The following VWC2 variants were observed in gnomAD, a reference collection of about 807,000 sequenced individuals.
VWC2 encodes the protein brorin.
In VWC2, 14 loss-of-function variants were observed where a neutral mutation model predicts 29.8. That is an observed-to-expected ratio of 0.47 (90% confidence interval 0.31 to 0.74). The LOEUF (loss-of-function observed/expected upper bound fraction) is 0.74. Among genes scored for constraint, VWC2 ranks in the 30% least tolerant of loss-of-function variants. VWC2 has a pLI of 0.05. For synonymous variants in VWC2, 213 were observed against 199.0 expected, an observed-to-expected ratio of 1.07 and a Z score of -0.59; for missense variants, 457 against 459.8, an observed-to-expected ratio of 0.99 and a Z score of 0.05.
chr7:49,837,536 G>C (rs1020685452), intron 3 of VWC2, among the ~76,000 whole-genome samples: 1 of 152,186 alleles, frequency 6.6e-6, no homozygotes, highest in Non-Finnish European at 1.5e-5. Context: ...GGAGGTCATG[G>C]GGAGAGTTCT....
At chr7:49,865,063 A>G (rs1196231917) in intron 3 of VWC2, among the ~76,000 whole-genome samples, 1 of 152,212 alleles carries the variant, frequency 6.6e-6, no homozygotes, top group Admixed American at 6.5e-5. Flanking sequence ...TTTTTTGTAA[A>G]GAATTGTAAA....
chr7:49,901,380 T>G (rs922814498), intron 3 of VWC2, among the ~76,000 whole-genome samples: 1 of 151,848 alleles, frequency 6.6e-6, no homozygotes, highest in African/African-American at 2.4e-5. Context: ...ACAAGGTTAA[T>G]AGACAAAATT....
chr7:49,904,915 T>C (rs987683159), intron 3 of VWC2, among the ~76,000 whole-genome samples: 3 of 152,014 alleles, frequency 2.0e-5, no homozygotes, highest in Non-Finnish European at 2.9e-5. Flanking sequence ...TTTGTATTTT[T>C]AGTAGAGATG....
At chr7:49,851,610 A>G (rs948017496) in intron 3 of VWC2, among the ~76,000 whole-genome samples, 3 of 152,230 alleles carry the variant, frequency 2.0e-5, no homozygotes, top group Non-Finnish European at 4.4e-5. Flanking sequence ...CTATAATCCC[A>G]GCACTTCGGG....
chr7:49,851,466 G>A (rs931223760), intron 3 of VWC2, among the ~76,000 whole-genome samples: 4 of 152,180 alleles, frequency 2.6e-5, no homozygotes, highest in Non-Finnish European at 5.9e-5. Context: ...CACTTGCTTA[G>A]CGCAATGTTA....
chr7:49,892,137 C>T (rs887704219), intron 3 of VWC2, among the ~76,000 whole-genome samples: 48 of 142,482 alleles, frequency 3.4e-4, no homozygotes, highest in African/African-American at 1.1e-3. Context: ...CTCCGCCTCC[C>T]GGGTTCACGC....
chr7:49,920,458 A>G lies in VWC2; in HGVS notation c.*8273A>G, dbSNP rs1430438741. 1 of 152,202 alleles carries G rather than the reference A, an allele frequency of 6.6e-6. No homozygotes were observed. The highest frequency in any genetic ancestry group is 1.5e-5 in the Non-Finnish European group (1 of 68,030). 9.4% of individuals were successfully genotyped at this position (152,202 alleles called of 1,614,324 possible). On this transcript the variant is annotated 3_prime_UTR_variant, in exon 4 of 4. Transcript: ENST00000340652. ...ATAAATATAAGCAAGGGTCTGATTA[A>G]AACAAAACAAAACAAACAAAAGACA...
intron 3 of VWC2, among the ~76,000 whole-genome samples, chr7:49,826,459 T>C (rs144066856): frequency 1.3e-5 from 2 of 152,314 alleles, no homozygotes; most frequent in African/African-American, 4.8e-5. Context: ...ATTCAATAAT[T>C]TTCAGTCAAG....
chr7:49,793,057 ACT>A (rs1168665744), intron 2 of VWC2, among the ~76,000 whole-genome samples: 2 of 151,768 alleles, frequency 1.3e-5, no homozygotes, highest in Non-Finnish European at 2.9e-5. Flanking sequence ...TAATTATCCC[ACT>A]CTCTGTCTTT....
chr7:49,874,740 G>A (rs941453074), intron 3 of VWC2, among the ~76,000 whole-genome samples: 3 of 152,084 alleles, frequency 2.0e-5, no homozygotes, highest in Non-Finnish European at 4.4e-5. Context: ...CCTTGAGTTG[G>A]GGCACCTTTG....
intron 3 of VWC2, among the ~76,000 whole-genome samples, chr7:49,840,303 G>A (rs1789764497): frequency 6.6e-6 from 1 of 152,230 alleles, no homozygotes; most frequent in African/African-American, 2.4e-5. Context: ...TGGTGGAGGG[G>A]CACGGAGTAT....
intron 2 of VWC2, 34 bp from the exon 3 acceptor site, chr7:49,802,677 A>G (rs1431327706): frequency 6.2e-7 from 1 of 1,613,400 alleles, no homozygotes; most frequent in Non-Finnish European, 8.5e-7. Flanking sequence ...ACATGACAGC[A>G]GGCTAAAGTG....
chr7:49,797,578 GT>G (rs1490612041), intron 2 of VWC2, among the ~76,000 whole-genome samples: 2 of 152,178 alleles, frequency 1.3e-5, no homozygotes, highest in Non-Finnish European at 2.9e-5. Flanking sequence ...GACCCTGTTT[GT>G]GGGGGTCAGG....
rs71018432 is a variant in VWC2 at position 49,875,369 on chromosome 7, CAAAA to C, written c.827-36640_827-36637del. ...TGGGTAACAGAGTGAGATTCTGACTCAAAAAAAAAAAAAAAAAAAAAAAAAAAAC... is the reference window on the plus strand; with the variant it reads ...TGGGTAACAGAGTGAGATTCTGACTCAAAAAAAAAAAAAAAAAAAAAAAAC... On this transcript the variant is annotated intron_variant, in intron 3 of 3. Transcript: ENST00000340652. Among the ~76,000 whole-genome samples the C allele has an allele frequency of 8.4e-4, 16 of 19,012 alleles. 1 individual carries two copies. Among genetic ancestry groups the C allele is most frequent in the Admixed American group, 1.9e-3 (2 of 1,068 alleles). 12.5% of individuals were successfully genotyped at this position (19,012 alleles called of 152,430 possible). A position where few individuals can be genotyped will look rare whatever the true frequency, so the allele number is the denominator to read the frequency against.
At chr7:49,885,255 T>C (rs1405400461) in intron 3 of VWC2, among the ~76,000 whole-genome samples, 1 of 152,124 alleles carries the variant, frequency 6.6e-6, no homozygotes, top group Non-Finnish European at 1.5e-5. Context: ...GCGAGTAATA[T>C]GTCTCTAGTT....
intron 3 of VWC2, among the ~76,000 whole-genome samples, chr7:49,857,631 A>G (rs933122466): frequency 1.3e-5 from 2 of 152,208 alleles, no homozygotes; most frequent in Non-Finnish European, 2.9e-5. Flanking sequence ...ATGGCTATTA[A>G]CAAAAATCAA....
At chr7:49,801,130 T>G (rs1302769393) in intron 2 of VWC2, among the ~76,000 whole-genome samples, 1 of 152,244 alleles carries the variant, frequency 6.6e-6, no homozygotes, top group East Asian at 1.9e-4. Flanking sequence ...TAAACTCCAG[T>G]TGAGCTTTTG....
intron 2 of VWC2, among the ~76,000 whole-genome samples, chr7:49,788,789 G>A (rs957027134): frequency 6.9e-6 from 1 of 145,770 alleles, no homozygotes; most frequent in Non-Finnish European, 1.5e-5. Flanking sequence ...TATGAGTGTG[G>A]GTGAGTGTGA....
Position 49,847,701 on chromosome 7 carries a change from G to C in VWC2, c.826+44861G>C, listed in dbSNP as rs546863763. 8.5e-5 allele frequency among the ~76,000 whole-genome samples: 13 copies of C among 152,320 alleles called. No homozygotes were observed. The South Asian group carries it at 2.7e-3, about 32-fold the overall frequency. ...AAAAGCCCTCATGGTGGCTTCCACG[G>C]GAAGAAGGGGTGAGGCGGGCTTAGG... On this transcript the variant is annotated intron_variant, in intron 3 of 3. Transcript: ENST00000340652.
Sources: allele counts gnomAD v4.1 joint callset (sites outside exome capture counted in the v4.1 genomes callset), GRCh38; gene constraint gnomAD v4.1.1; transcripts MANE v1.5; gene names NCBI Gene and HGNC (gene_info 2026-07-23, HGNC 2026-07-21).